Variants in WDR11 observed in about 807,000 individuals in gnomAD.
WDR11 encodes WD repeat-containing protein 11.
WDR11 carries 83 observed loss-of-function variants against 151.2 expected under a neutral mutation model. The observed-to-expected ratio is 0.55, with a 90% CI of 0.46 to 0.66. The LOEUF is 0.66. Among genes scored for constraint, WDR11 ranks in the 30% least tolerant of loss-of-function variants. The probability of loss-of-function intolerance (pLI) is 0.00; values close to 1 mark genes in which losing one functional copy is unlikely to be tolerated. For missense variants in WDR11, 1,301 were observed against 1,480.9 expected (o/e 0.88, Z 1.99); for synonymous variants, 484 against 533.1 (o/e 0.91, Z 1.27).
intron 19 of WDR11, chr10:120,899,788 AAAAAT>A (rs943607706): frequency 4.8e-5 from 26 of 537,876 alleles, no homozygotes; most frequent in South Asian, 8.9e-5. Flanking sequence ...GTCTCAAAAA[AAAAAT>A]AAAATAAAAA....
chr10:120,888,897 T>G (rs1847319026), intron 16 of WDR11, among the ~76,000 whole-genome samples, 181 bp from the exon 17 acceptor site: 2 of 152,326 alleles, frequency 1.3e-5, no homozygotes, highest in South Asian at 4.1e-4. Flanking sequence ...CTCCTATTTC[T>G]TCATAGTTGA....
chr10:120,889,822 G>A, intron 17 of WDR11, 73 bp from the exon 18 acceptor site: 1 of 995,458 alleles, frequency 1.0e-6, no homozygotes, highest in African/African-American at 1.6e-5. Flanking sequence ...AATAGTGAGA[G>A]ATGTTAGACA....
At chr10:120,860,323 A>G in intron 4 of WDR11, 41 bp downstream of exon 4, 1 of 1,593,968 alleles carries the variant, frequency 6.3e-7, no homozygotes, top group Non-Finnish European at 8.6e-7. Context: ...TAAGTGAGAT[A>G]TTTATAATAT....
chr10:120,865,652 A>G lies in WDR11; in HGVS notation c.902A>G (p.Asp301Gly), dbSNP rs1225035015. 6.2e-7 allele frequency: 1 copy of G among 1,610,220 alleles called. No homozygotes were observed. The highest frequency in any genetic ancestry group is 1.1e-5 in the South Asian group (1 of 90,786). ...AAGGTAATACCCTGCTTTCAGCGTG[A>G]TGGTTTATTTTGTCTACATGAAAAT... is the stretch of plus-strand genomic sequence containing the variant. ...FLQVIPCFQR[D>G]GLFCLHENGC... Residue 301 changes from aspartate (D) to glycine (G), a missense_variant, in exon 7 of 29, where the codon GAT (aspartate) becomes GGT (glycine). This residue lies in a region of WDR11 where 692 missense variants were observed against 762.5 expected (regional missense o/e 0.91). Coordinates refer to ENST00000263461, the MANE Select transcript of WDR11 (RefSeq NM_018117.12).
chr10:120,881,827 C>T (rs1013457124), intron 13 of WDR11, among the ~76,000 whole-genome samples: 7 of 151,852 alleles, frequency 4.6e-5, no homozygotes, highest in African/African-American at 1.7e-4. Flanking sequence ...TACATCTTTT[C>T]GATCTATAGG....
chr10:120,855,037 G>T (rs1845901078), intron 2 of WDR11, among the ~76,000 whole-genome samples: 1 of 151,976 alleles, frequency 6.6e-6, no homozygotes, highest in Non-Finnish European at 1.5e-5. Context: ...ATACTGTTTT[G>T]TCTCATACAT....
At chr10:120,891,543 T>C (rs578178569) in intron 19 of WDR11, among the ~76,000 whole-genome samples, 2 of 152,280 alleles carry the variant, frequency 1.3e-5, no homozygotes, top group African/African-American at 4.8e-5. Flanking sequence ...TGCAATACAG[T>C]GTTCATCCTT....
intron 19 of WDR11, 155 bp from the exon 20 acceptor site, chr10:120,899,872 TTG>T (rs1217836995): frequency 7.7e-6 from 5 of 653,424 alleles, no homozygotes; most frequent in East Asian, 2.7e-5. Flanking sequence ...TGCTCTTGGC[TTG>T]TGTTTCCTAA....
At position 120,862,970 on chromosome 10, in the gene WDR11, A is replaced by G. The variant is rs765760291; in HGVS notation, c.713+49A>G. ...CATTCATCTACTTATCTGGTATGAAAGCATCATTTTTGGAGATGTACAAAG... is the reference window on the plus strand; with the variant it reads ...CATTCATCTACTTATCTGGTATGAAGGCATCATTTTTGGAGATGTACAAAG... On this transcript the variant is annotated intron_variant, in intron 5 of 28. Coordinates refer to ENST00000263461, the MANE Select transcript of WDR11 (RefSeq NM_018117.12). 1.7e-5 allele frequency: 21 copies of G among 1,267,936 alleles called. No individual in the cohort carries two copies. In the African/African-American group the frequency reaches 2.9e-4, roughly 18 times the overall value. 78.5% of individuals were successfully genotyped at this position (1,267,936 alleles called of 1,614,324 possible). A position where few individuals can be genotyped will look rare whatever the true frequency, so the allele number is the denominator to read the frequency against.
rs1847850927 is a variant in WDR11, at chr10:120,902,192, A to C, written c.2688-65A>C. 2.3e-6 allele frequency: 3 copies of C among 1,322,624 alleles called. No homozygotes were observed. In the East Asian group the frequency reaches 6.9e-5, roughly 30 times the overall value. The allele number at this position is 1,322,624 out of a possible 1,614,324, so 81.9% of individuals were successfully genotyped here. On this transcript the variant is annotated intron_variant, in intron 21 of 28. Transcript: ENST00000263461. ...TTTTCATTTCAAGAGTATATTGATCAACCCCCATGCTTTATTGTTTGATTG... is the reference window on the plus strand; with the variant it reads ...TTTTCATTTCAAGAGTATATTGATCCACCCCCATGCTTTATTGTTTGATTG...
At chr10:120,880,705 A>G in intron 12 of WDR11, 121 bp from the exon 13 acceptor site, 1 of 852,720 alleles carries the variant, frequency 1.2e-6, no homozygotes, top group African/African-American at 1.7e-5. Context: ...CAAATGGAAG[A>G]ATGAATAGGA....
chr10:120,908,527 T>C, intron 28 of WDR11, 29 bp from the exon 29 acceptor site: 1 of 1,613,568 alleles, frequency 6.2e-7, no homozygotes, highest in Non-Finnish European at 8.5e-7. Context: ...CAGCCCTTTT[T>C]ACTCTTCTTT....
rs777852029 is a variant in WDR11 at position 120,866,797 on chromosome 10, T to C, written c.1190+33T>C. ...AATCAACAGGATCATGGTTTTGTTT[T>C]TTGTTTCCTGTTTCCTTTTATAAAA... is the stretch of plus-strand genomic sequence containing the variant. On this transcript the variant is annotated intron_variant, in intron 8 of 28. Coordinates refer to ENST00000263461, the MANE Select transcript of WDR11 (RefSeq NM_018117.12). 9 of 1,612,450 alleles carry C rather than the reference T, an allele frequency of 5.6e-6. No individual in the cohort carries two copies. The East Asian group carries it at 2.0e-4, about 36-fold the overall frequency.
Position 120,860,276 on chromosome 10 carries a change from T to C in WDR11, c.520T>C (p.Leu174=). 4 of 1,613,652 alleles carry C rather than the reference T, an allele frequency of 2.5e-6. No individual in the cohort carries two copies. Among genetic ancestry groups the C allele is most frequent in the Non-Finnish European group, 3.4e-6 (4 of 1,179,986 alleles). ...FSFDPFDPSH[L]TLLTSEGIVF... ...TTTTGACCCTTTTGATCCCTCACATTTAACTTGTGAGTAACAGTTGCTTGT... is the reference window on the plus strand; with the variant it reads ...TTTTGACCCTTTTGATCCCTCACATCTAACTTGTGAGTAACAGTTGCTTGT... The change falls in exon 4 of 29, where the codon TTA becomes CTA. Residue 174 remains leucine (L), a synonymous_variant. Coordinates refer to ENST00000263461, the MANE Select transcript of WDR11 (RefSeq NM_018117.12).
intron 26 of WDR11, 155 bp from the exon 27 acceptor site, chr10:120,905,721 C>T (rs1848012721): frequency 7.4e-7 from 1 of 1,343,772 alleles, no homozygotes. Flanking sequence ...AGACCGTTAT[C>T]ATTATTCAGA....
intron 28 of WDR11, chr10:120,908,239 T>C (rs1848143082): frequency 2.7e-6 from 1 of 368,348 alleles, no homozygotes; most frequent in Non-Finnish European, 5.2e-6. Flanking sequence ...TCTCCTCTCT[T>C]ATCATTCATC....
intron 14 of WDR11, among the ~76,000 whole-genome samples, chr10:120,884,753 T>TG (rs1230402918): frequency 6.6e-6 from 1 of 151,858 alleles, no homozygotes; most frequent in Non-Finnish European, 1.5e-5. Context: ...AAGTCAACAG[T>TG]GAAAAAAAGC....
chr10:120,865,830 T>G (rs1322332200), intron 7 of WDR11, 86 bp downstream of exon 7: 1 of 851,720 alleles, frequency 1.2e-6, no homozygotes, highest in Non-Finnish European at 1.9e-6. Flanking sequence ...CCAAGGTATA[T>G]AGTTAATGAT....
chr10:120,897,818 AT>A (rs1226249308), intron 19 of WDR11, among the ~76,000 whole-genome samples: 3 of 152,254 alleles, frequency 2.0e-5, no homozygotes, highest in Non-Finnish European at 2.9e-5. Context: ...CATTTGGGGA[AT>A]AACAAGGGAC....
Sources: gnomAD v4.1 joint callset for allele counts (sites outside exome capture counted in the v4.1 genomes callset) on GRCh38, gnomAD v4.1.1 for gene constraint, gnomAD v4.1.1 regional missense constraint, MANE v1.5 for transcripts, NCBI Gene and HGNC (gene_info 2026-07-23, HGNC 2026-07-21) for gene names.